PCDHGB7: variants seen among roughly 807,000 people sequenced by gnomAD.
The protein encoded by PCDHGB7 is protocadherin gamma-B7.
In PCDHGB7, 37 loss-of-function variants were observed where a neutral mutation model predicts 61.4. The observed-to-expected ratio is 0.60, with a 90% CI of 0.46 to 0.79. The LOEUF (loss-of-function observed/expected upper bound fraction) is 0.79. Ranked by LOEUF, PCDHGB7 falls within the 30% of genes least tolerant of loss-of-function variation. PCDHGB7 has a pLI of 0.00. For missense variants in PCDHGB7, 1,166 were observed against 1,202.5 expected, an observed-to-expected ratio of 0.97 and a Z score of 0.45; for synonymous variants, 464 against 503.5, an observed-to-expected ratio of 0.92 and a Z score of 1.05.
intron 1 of PCDHGB7, among the ~76,000 whole-genome samples, chr5:141,447,279 A>G (rs1394174534): frequency 1.3e-5 from 2 of 152,156 alleles, no homozygotes; most frequent in African/African-American, 4.8e-5. Flanking sequence ...AGCTGGGACT[A>G]CAGGCACATG....
In PCDHGB7 at chr5:141,486,600, C is replaced by G. The variant is rs748395954; in HGVS notation, c.2416-8207C>G. Reference sequence around the variant, plus strand: ...AATCGCCCAGGGGACCTGCTTTGCTCCCTTGCAGCCTCTGACCCAGACTCT... The same window carrying G: ...AATCGCCCAGGGGACCTGCTTTGCTGCCTTGCAGCCTCTGACCCAGACTCT... On this transcript the variant is annotated intron_variant, in intron 1 of 3. Transcript: ENST00000398594. This position sits in a 1 kb window ranked among gnomAD's most constrained non-coding sequence, Gnocchi z 5.0. 21 of 1,613,602 alleles carry G rather than the reference C, an allele frequency of 1.3e-5. No individual in the cohort carries two copies. Among genetic ancestry groups the G allele is most frequent in the South Asian group, 2.2e-5 (2 of 91,086 alleles).
At chr5:141,472,256 T>C (rs2099275290) in intron 1 of PCDHGB7, among the ~76,000 whole-genome samples, 1 of 152,176 alleles carries the variant, frequency 6.6e-6, no homozygotes, top group South Asian at 2.1e-4. Flanking sequence ...TAAAGTTATA[T>C]TATAGCCGGG....
chr5:141,437,484 T>C (rs547317864), intron 1 of PCDHGB7, among the ~76,000 whole-genome samples: 2 of 152,332 alleles, frequency 1.3e-5, no homozygotes, highest in South Asian at 4.1e-4. Flanking sequence ...ATATTTAATC[T>C]CGTAGATCAC....
chr5:141,474,505 A>G (rs2099350724), intron 1 of PCDHGB7, among the ~76,000 whole-genome samples: 2 of 152,248 alleles, frequency 1.3e-5, no homozygotes, highest in Admixed American at 6.5e-5. Context: ...AATGCCTATC[A>G]GCCCTCTTGC....
chr5:141,421,650 A>G, intron 1 of PCDHGB7: 1 of 1,613,868 alleles, frequency 6.2e-7, no homozygotes, highest in South Asian at 1.1e-5. Flanking sequence ...AAGTGGAGAT[A>G]AAAGTCAGTG....
At chr5:141,465,323 G>A (rs757662972) in intron 1 of PCDHGB7, among the ~76,000 whole-genome samples, 1 of 152,138 alleles carries the variant, frequency 6.6e-6, no homozygotes, top group Non-Finnish European at 1.5e-5. Flanking sequence ...TGTCAATGCA[G>A]TATTTTTTAT....
chr5:141,477,393 G>C lies in PCDHGB7; in HGVS notation c.2416-17414G>C. ...GAGACTGTGCCAGAATACAACCTCA[G>C]CATCACCGCCCGAGACGCCGGAACC... On this transcript the variant is annotated intron_variant, in intron 1 of 3. Coordinates refer to ENST00000398594, the MANE Select transcript of PCDHGB7 (RefSeq NM_018927.4). The surrounding 1 kb of genome is among the most constrained non-coding windows in gnomAD (Gnocchi z 4.9). The C allele has an allele frequency of 6.2e-7, 1 of 1,614,098 alleles. No individual in the cohort carries two copies. The highest frequency in any genetic ancestry group is 8.5e-7 in the Non-Finnish European group (1 of 1,180,028).
rs191953163 is a variant in PCDHGB7 at position 141,426,385 on chromosome 5, C to T, written c.2415+6111C>T. Reference sequence around the variant, plus strand: ...CTGCGGGGCACCCTCGGAGCAGATCCGCTACTCTATTCCAGAAGAAACGGT... The same window carrying T: ...CTGCGGGGCACCCTCGGAGCAGATCTGCTACTCTATTCCAGAAGAAACGGT... On this transcript the variant is annotated intron_variant, in intron 1 of 3. Transcript: ENST00000398594. 1.4e-3 allele frequency: 332 copies of T among 244,362 alleles called. 1 individual carries two copies. The highest frequency in any genetic ancestry group is 1.5e-3 in the Non-Finnish European group (188 of 121,940). 15.1% of individuals were successfully genotyped at this position (244,362 alleles called of 1,614,324 possible). A position where few individuals can be genotyped will look rare whatever the true frequency, so the allele number is the denominator to read the frequency against.
intron 1 of PCDHGB7, chr5:141,424,442 T>C (rs2096821583): frequency 6.6e-6 from 1 of 152,244 alleles, no homozygotes; most frequent in South Asian, 2.1e-4. Context: ...AATTGAATTA[T>C]TGAACTGGTA....
chr5:141,427,658 C>A, intron 1 of PCDHGB7: 2 of 738,894 alleles, frequency 2.7e-6, no homozygotes, highest in Non-Finnish European at 4.8e-6. Context: ...ACGTGGTCCA[C>A]GTGGCCGAAA....
intron 3 of PCDHGB7, among the ~76,000 whole-genome samples, chr5:141,506,700 G>GT (rs1446452157): frequency 2.0e-5 from 3 of 152,138 alleles, no homozygotes; most frequent in Admixed American, 1.3e-4. Context: ...ACCCAAACCC[G>GT]TTTTTTACTG....
Position 141,420,946 on chromosome 5 carries a change from A to G in PCDHGB7, c.2415+672A>G, listed in dbSNP as rs1561791007. 5 of 400,268 alleles carry G rather than the reference A, an allele frequency of 1.2e-5. No homozygotes were observed. In the East Asian group the frequency reaches 1.7e-4, roughly 14 times the overall value. The allele number at this position is 400,268 out of a possible 1,614,324, so 24.8% of individuals were successfully genotyped here. A position where few individuals can be genotyped will look rare whatever the true frequency, so the allele number is the denominator to read the frequency against. ...AGGTGAGCGTAATCATTTCTTCTGG[A>G]ATTTCTTAGTCGTTGCAATAATAAG... On this transcript the variant is annotated intron_variant, in intron 1 of 3. Coordinates refer to ENST00000398594, the MANE Select transcript of PCDHGB7 (RefSeq NM_018927.4).
chr5:141,476,309 A>G lies in PCDHGB7; in HGVS notation c.2416-18498A>G. ...GGATCTCGGTAGCCTCTCAGCCCGC[A>G]GGTTCCGGGTGGTGTCTGGAGCTAG... On this transcript the variant is annotated intron_variant, in intron 1 of 3. Transcript: ENST00000398594. The surrounding 1 kb of genome is among the most constrained non-coding windows in gnomAD (Gnocchi z 7.6). The G allele has an allele frequency of 6.2e-7, 1 of 1,613,966 alleles. No homozygotes were observed. Among genetic ancestry groups the G allele is most frequent in the Non-Finnish European group, 8.5e-7 (1 of 1,179,988 alleles).
intron 1 of PCDHGB7, chr5:141,426,767 A>C (rs1219028777): frequency 2.2e-6 from 1 of 456,666 alleles, no homozygotes. Flanking sequence ...ATGCAGATGT[A>C]GGGCCTCACT....
In PCDHGB7 at chr5:141,432,518, C is replaced by T. The variant is rs1314948517; in HGVS notation, c.2415+12244C>T. 6.2e-7 allele frequency: 1 copy of T among 1,614,126 alleles called. No homozygotes were observed. The highest frequency in any genetic ancestry group is 8.5e-7 in the Non-Finnish European group (1 of 1,180,024). On this transcript the variant is annotated intron_variant, in intron 1 of 3. Coordinates refer to ENST00000398594, the MANE Select transcript of PCDHGB7 (RefSeq NM_018927.4). This position sits in a 1 kb window ranked among gnomAD's most constrained non-coding sequence, Gnocchi z 6.0. The stretch of plus-strand genomic sequence containing the variant: ...TCCCCGCTCCGCAGAGCCCGGCTAC[C>T]TGGTGACCAAGGTGGTGGCGGTGGA...
chr5:141,490,990 C>A lies in PCDHGB7; in HGVS notation c.2416-3817C>A, dbSNP rs1230384508. On this transcript the variant is annotated intron_variant, in intron 1 of 3. Transcript: ENST00000398594. The surrounding 1 kb of genome is among the most constrained non-coding windows in gnomAD (Gnocchi z 5.4). ...CCCCCAGCGTCTCCCTCGCTCTGCTCCTCCTGGCTCCTTGGTCACCAAGGT... is the reference window on the plus strand; with the variant it reads ...CCCCCAGCGTCTCCCTCGCTCTGCTACTCCTGGCTCCTTGGTCACCAAGGT... The A allele has an allele frequency of 6.2e-7, 1 of 1,614,102 alleles. No homozygotes were observed. The highest frequency in any genetic ancestry group is 8.5e-7 in the Non-Finnish European group (1 of 1,180,022).
In PCDHGB7 at chr5:141,505,323, G is replaced by T. The variant is rs996747379; in HGVS notation, c.2475-70G>T. 12 of 1,606,640 alleles carry T rather than the reference G, an allele frequency of 7.5e-6. No homozygotes were observed. In the African/African-American group the frequency reaches 1.5e-4, roughly 20 times the overall value. On this transcript the variant is annotated intron_variant, in intron 2 of 3. Transcript: ENST00000398594. Reference sequence around the variant, plus strand: ...TAGGGTACTAGGTTTGGGAGCCCTGGGAGAGGACAGGAGGGGCATGAGCTG... The same window carrying T: ...TAGGGTACTAGGTTTGGGAGCCCTGTGAGAGGACAGGAGGGGCATGAGCTG...
rs571839457 is a variant in PCDHGB7, at chr5:141,419,893, TCCC to T, written c.2035_2037del (p.Pro679del). The T allele has an allele frequency of 5.0e-5, 81 of 1,613,960 alleles. No individual in the cohort carries two copies. Among genetic ancestry groups the T allele is most frequent in the Non-Finnish European group, 6.5e-5 (77 of 1,179,904 alleles). On this transcript the variant is annotated inframe_deletion, in exon 1 of 4. Transcript: ENST00000398594. ...AGGTACTGCCGGATTTCAGCGACCA[TCCC>T]ACACCCTCTGACTCCCAGGCTGAGA...
Position 141,431,325 on chromosome 5 carries a change from G to GT in PCDHGB7, c.2415+11052dup, listed in dbSNP as rs1340996903. On this transcript the variant is annotated intron_variant, in intron 1 of 3. Transcript: ENST00000398594. This position sits in a 1 kb window ranked among gnomAD's most constrained non-coding sequence, Gnocchi z 4.8. ...ATCGTGCAAAATGGAGCCGACGGTA[G>GT]TAAGTACCCCGAATTGGTGCTGAAA... 22 of 1,614,028 alleles carry GT rather than the reference G, an allele frequency of 1.4e-5. No homozygotes were observed. In the Admixed American group the frequency reaches 2.5e-4, roughly 18 times the overall value.
Sources: allele counts gnomAD v4.1 joint callset (sites outside exome capture counted in the v4.1 genomes callset), GRCh38; gene constraint gnomAD v4.1.1; non-coding constraint Gnocchi (gnomAD v3.1); transcripts MANE v1.5; gene names NCBI Gene and HGNC (gene_info 2026-07-23, HGNC 2026-07-21).